CDH12: variants seen among roughly 807,000 people sequenced by gnomAD.
CDH12 encodes the protein cadherin 12.
CDH12 carries 41 observed loss-of-function variants against 74.1 expected under a neutral mutation model. The observed-to-expected ratio is 0.55, with a 90% CI of 0.43 to 0.72. The LOEUF (loss-of-function observed/expected upper bound fraction) is 0.72, where lower values mean the gene tolerates loss of function less well. CDH12 is among the 30% of genes least tolerant of loss of function. CDH12 has a pLI of 0.00. For synonymous variants in CDH12, 399 were observed against 355.0 expected (o/e 1.12, Z -1.39); for missense variants, 945 against 977.2 (o/e 0.97, Z 0.44).
intron 6 of CDH12, among the ~76,000 whole-genome samples, chr5:21,917,463 A>C (rs1754153293): frequency 6.6e-6 from 1 of 152,222 alleles, no homozygotes; most frequent in African/African-American, 2.4e-5. Context: ...TCTTCCTTTG[A>C]CAATTTCAAG....
chr5:22,577,575 C>T (rs766903224), intron 1 of CDH12, among the ~76,000 whole-genome samples: 7 of 151,682 alleles, frequency 4.6e-5, no homozygotes, highest in Non-Finnish European at 1.0e-4. Context: ...GAGGAGGCAG[C>T]CCAGGAGGAA....
At chr5:22,751,125 A>C (rs1745549163) in intron 1 of CDH12, among the ~76,000 whole-genome samples, 1 of 151,816 alleles carries the variant, frequency 6.6e-6, no homozygotes, top group Admixed American at 6.6e-5. Context: ...AAAAGAAGTA[A>C]AGGGAGAGGA....
At chr5:22,139,010 C>T (rs1036252402) in intron 4 of CDH12, among the ~76,000 whole-genome samples, 1 of 150,642 alleles carries the variant, frequency 6.6e-6, no homozygotes, top group Non-Finnish European at 1.5e-5. Context: ...GAACCAGGTA[C>T]TCCTATAACT....
At chr5:22,542,027 T>C (rs903235718) in intron 1 of CDH12, among the ~76,000 whole-genome samples, 3 of 152,218 alleles carry the variant, frequency 2.0e-5, no homozygotes, top group African/African-American at 7.2e-5. Flanking sequence ...ATGTTGCTTT[T>C]ACAGATCACT....
chr5:22,507,202 A>G (rs1474720669), intron 1 of CDH12, among the ~76,000 whole-genome samples: 1 of 152,114 alleles, frequency 6.6e-6, no homozygotes, highest in Non-Finnish European at 1.5e-5. Flanking sequence ...GCAACAATAA[A>G]AAGGACTTGA....
chr5:22,293,096 A>T (rs540980076), intron 3 of CDH12, among the ~76,000 whole-genome samples: 37 of 152,052 alleles, frequency 2.4e-4, no homozygotes, highest in African/African-American at 8.4e-4. Flanking sequence ...CTAAAAACCC[A>T]CGTCTGTTCC....
intron 4 of CDH12, among the ~76,000 whole-genome samples, chr5:22,184,567 T>C (rs1349018317): frequency 1.3e-5 from 2 of 152,218 alleles, no homozygotes; most frequent in African/African-American, 4.8e-5. Flanking sequence ...AATAACTGCC[T>C]TGATATATGT....
intron 3 of CDH12, among the ~76,000 whole-genome samples, chr5:22,217,234 A>T (rs1042856602): frequency 2.0e-5 from 3 of 151,868 alleles, no homozygotes; most frequent in African/African-American, 4.8e-5. Flanking sequence ...TTTTAAAATA[A>T]TTATAACACG....
intron 4 of CDH12, among the ~76,000 whole-genome samples, chr5:22,210,867 G>A (rs1751491583): frequency 6.6e-6 from 1 of 151,882 alleles, no homozygotes; most frequent in African/African-American, 2.4e-5. Flanking sequence ...AAGACCCAGG[G>A]ACAGCCACTG....
At chr5:22,150,765 T>C (rs10039352) in intron 4 of CDH12, among the ~76,000 whole-genome samples, 4,728 of 152,280 alleles carry the variant, frequency 0.031, 98 homozygotes, top group African/African-American at 0.051. Flanking sequence ...GATATTCTAA[T>C]AAGGTATACC....
intron 1 of CDH12, among the ~76,000 whole-genome samples, chr5:22,791,083 A>G (rs906992020): frequency 6.6e-6 from 1 of 152,240 alleles, no homozygotes; most frequent in African/African-American, 2.4e-5. Flanking sequence ...GTCAAAGAAT[A>G]TAAAGAACAC....
chr5:22,335,401 T>C (rs572519045), intron 3 of CDH12, among the ~76,000 whole-genome samples: 2 of 152,136 alleles, frequency 1.3e-5, no homozygotes, highest in South Asian at 2.1e-4. Context: ...CTGGCTAAGA[T>C]TGTGAAACAC....
intron 6 of CDH12, among the ~76,000 whole-genome samples, chr5:21,855,097 T>A (rs1460731844): frequency 6.6e-6 from 1 of 151,752 alleles, no homozygotes; most frequent in Non-Finnish European, 1.5e-5. Flanking sequence ...TGGACACCAC[T>A]TATATTAGCT....
intron 3 of CDH12, among the ~76,000 whole-genome samples, chr5:22,283,205 GATATATATAT>G (rs1229134274): frequency 4.8e-4 from 52 of 107,996 alleles, no homozygotes; most frequent in South Asian, 6.7e-4. Context: ...ACATCTGTGA[GATATATATAT>G]AGATATATAT....
chr5:22,755,806 G>C (rs908651550), intron 1 of CDH12, among the ~76,000 whole-genome samples: 5 of 151,748 alleles, frequency 3.3e-5, no homozygotes, highest in Admixed American at 2.6e-4. Context: ...TTCACATATA[G>C]GCTGCAAACA....
intron 4 of CDH12, among the ~76,000 whole-genome samples, chr5:22,095,228 C>A (rs1743682588): frequency 6.6e-6 from 1 of 152,224 alleles, no homozygotes; most frequent in South Asian, 2.1e-4. Flanking sequence ...CCTCTTCTCA[C>A]TTCTCCAACG....
intron 1 of CDH12, among the ~76,000 whole-genome samples, chr5:22,595,429 A>T (rs1322516818): frequency 6.6e-6 from 1 of 152,204 alleles, no homozygotes; most frequent in African/African-American, 2.4e-5. Context: ...ATGCAAGGTC[A>T]TGATATGCCT....
At chr5:22,281,949 G>T (rs1350880553) in intron 3 of CDH12, among the ~76,000 whole-genome samples, 1 of 152,084 alleles carries the variant, frequency 6.6e-6, no homozygotes, top group African/African-American at 2.4e-5. Flanking sequence ...AAAGCTGGAG[G>T]CATCATGCTA....
chr5:22,087,337 G>A (rs1240121559), intron 4 of CDH12, among the ~76,000 whole-genome samples: 1 of 152,026 alleles, frequency 6.6e-6, no homozygotes, highest in African/African-American at 2.4e-5. Flanking sequence ...AAGAAGTGAT[G>A]TGACAAGAAT....
Sources: gnomAD v4.1 joint callset for allele counts (sites outside exome capture counted in the v4.1 genomes callset) on GRCh38, gnomAD v4.1.1 for gene constraint, MANE v1.5 for transcripts, NCBI Gene and HGNC (gene_info 2026-07-23, HGNC 2026-07-21) for gene names.